Variants in TMEM238L observed in about 807,000 individuals in gnomAD.
The protein encoded by TMEM238L is transmembrane protein 238-like.
At chr17:10,795,835 G>T (rs1904523844) in exon 2 of TMEM238L, 1 of 152,272 alleles carries the variant, frequency 6.6e-6, no homozygotes, top group Non-Finnish European at 1.5e-5. Context: ...ACATCCTCGT[G>T]AGTACTTTGA....
At chr17:10,802,555 T>C (rs1904778632) in intron 1 of TMEM238L, 1 of 152,672 alleles carries the variant, frequency 6.5e-6, no homozygotes, top group African/African-American at 2.4e-5. Flanking sequence ...TTTGCTTCTC[T>C]TTTCTCTGAG....
intron 1 of TMEM238L, among the ~76,000 whole-genome samples, chr17:10,802,905 C>A: frequency 6.6e-6 from 1 of 152,196 alleles, no homozygotes; most frequent in East Asian, 1.9e-4. Context: ...TGCAACTCAG[C>A]GGATGAAATC....
At chr17:10,799,934 CTTT>C (rs562811496) in intron 1 of TMEM238L, among the ~76,000 whole-genome samples, 1 of 142,626 alleles carries the variant, frequency 7.0e-6, no homozygotes, top group Non-Finnish European at 1.5e-5. Context: ...GAAACCACAT[CTTT>C]TTTTTTTTTT....
chr17:10,803,121 C>A (rs1382565322), intron 1 of TMEM238L, among the ~76,000 whole-genome samples: 1 of 151,938 alleles, frequency 6.6e-6, no homozygotes, highest in African/African-American at 2.4e-5. Context: ...CGAGAGGGGC[C>A]GTTCTGGGTG....
exon 1 of TMEM238L, chr17:10,803,716 T>C: frequency 5.0e-6 from 2 of 399,390 alleles, no homozygotes; most frequent in Non-Finnish European, 8.8e-6. Flanking sequence ...CCTCTTCCCA[T>C]GGCCAAATTA....
intron 1 of TMEM238L, among the ~76,000 whole-genome samples, chr17:10,798,918 C>CAA (rs201174266): frequency 1.4e-5 from 2 of 146,270 alleles, no homozygotes; most frequent in South Asian, 2.2e-4. Context: ...GAAAATGGAG[C>CAA]AAAAAAAAAA....
chr17:10,798,181 C>A (rs1383363056), intron 1 of TMEM238L, among the ~76,000 whole-genome samples: 1 of 152,042 alleles, frequency 6.6e-6, no homozygotes, highest in Non-Finnish European at 1.5e-5. Context: ...AGCAGCCCAG[C>A]CAGAACCACA....
At chr17:10,802,849 C>T (rs181756313) in intron 1 of TMEM238L, among the ~76,000 whole-genome samples, 70 of 152,322 alleles carry the variant, frequency 4.6e-4, no homozygotes, top group Non-Finnish European at 9.8e-4. Context: ...AAAAATCTTA[C>T]AACTCTCTGC....
intron 1 of TMEM238L, among the ~76,000 whole-genome samples, chr17:10,801,554 A>C (rs1904747320): frequency 6.6e-6 from 1 of 150,970 alleles, no homozygotes; most frequent in African/African-American, 2.4e-5. Context: ...TTCACCTCCC[A>C]CTCTTCCTTT....
At chr17:10,802,777 A>G (rs917809630) in intron 1 of TMEM238L, among the ~76,000 whole-genome samples, 20 of 152,116 alleles carry the variant, frequency 1.3e-4, no homozygotes, top group Admixed American at 6.5e-4. Flanking sequence ...ACAGCTGTCC[A>G]TCTCTAATTC....
chr17:10,800,755 C>T (rs1191151772), intron 1 of TMEM238L, among the ~76,000 whole-genome samples: 2 of 152,154 alleles, frequency 1.3e-5, no homozygotes, highest in Non-Finnish European at 2.9e-5. Flanking sequence ...CCCCAAGTCA[C>T]GTTGCTAGAA....
intron 1 of TMEM238L, among the ~76,000 whole-genome samples, chr17:10,800,541 G>C (rs973412864): frequency 5.9e-5 from 9 of 152,198 alleles, no homozygotes; most frequent in Non-Finnish European, 1.2e-4. Flanking sequence ...AGAACTGATC[G>C]TAATGCGTCA....
chr17:10,797,270 G>C (rs11658462), intron 1 of TMEM238L, among the ~76,000 whole-genome samples: 45,709 of 152,050 alleles, frequency 0.3, 7,851 homozygotes, highest in Non-Finnish European at 0.4. Context: ...TCATGGCCTT[G>C]TTGATAGGGT....
intron 1 of TMEM238L, among the ~76,000 whole-genome samples, chr17:10,802,014 C>T (rs950583518): frequency 6.6e-6 from 1 of 152,110 alleles, no homozygotes; most frequent in Non-Finnish European, 1.5e-5. Context: ...AACTCCTGAC[C>T]TCAAGTGATC....
At chr17:10,802,631 A>G (rs1217194834) in intron 1 of TMEM238L, 1 of 152,680 alleles carries the variant, frequency 6.5e-6, no homozygotes, top group Non-Finnish European at 1.5e-5. Context: ...CAACTCAGCA[A>G]CGACCTTTGC....
At chr17:10,799,406 C>T (rs944347080) in intron 1 of TMEM238L, among the ~76,000 whole-genome samples, 1 of 152,142 alleles carries the variant, frequency 6.6e-6, no homozygotes, top group Admixed American at 6.5e-5. Context: ...CTATGTTGGC[C>T]AGGCTGGTCT....
Position 10,796,855 on chromosome 17 carries a change from C to A in TMEM238L, c.*119-907G>T, listed in dbSNP as rs527396192. Among the ~76,000 whole-genome samples the A allele has an allele frequency of 1.1e-4, 17 of 152,300 alleles. 1 individual carries two copies. Among genetic ancestry groups the A allele is most frequent in the Admixed American group, 8.5e-4 (13 of 15,296 alleles). ...TGACTTGGCTCCTATAGGAAACATACGTGACTAGGCCAGGGGCTGGCAAAT... is the reference window on the plus strand; with the variant it reads ...TGACTTGGCTCCTATAGGAAACATAAGTGACTAGGCCAGGGGCTGGCAAAT... On this transcript the variant is annotated intron_variant, in intron 1 of 1. Coordinates refer to ENST00000581851, the Ensembl canonical transcript of TMEM238L.
chr17:10,799,043 A>G (rs1480781419), intron 1 of TMEM238L, among the ~76,000 whole-genome samples: 2 of 151,994 alleles, frequency 1.3e-5, no homozygotes, highest in Non-Finnish European at 2.9e-5. Flanking sequence ...GGTGCCTTTG[A>G]GGTTTAGCAG....
chr17:10,799,237 G>A (rs1005584342), intron 1 of TMEM238L, among the ~76,000 whole-genome samples: 5 of 152,124 alleles, frequency 3.3e-5, no homozygotes, highest in Admixed American at 6.5e-5. Context: ...TTGCTCTGCC[G>A]CCCAGGCTGG....
Sources: allele counts gnomAD v4.1 joint callset (sites outside exome capture counted in the v4.1 genomes callset), GRCh38; gene constraint gnomAD v4.1.1; transcripts MANE v1.5; gene names NCBI Gene and HGNC (gene_info 2026-07-23, HGNC 2026-07-21).